Variants in MCCC2 observed in about 807,000 individuals in gnomAD.
MCCC2 encodes methylcrotonyl-CoA carboxylase subunit 2.
In MCCC2, 52 loss-of-function variants were observed where a neutral mutation model predicts 77.2. The observed-to-expected ratio is 0.67, with a 90% confidence interval of 0.54 to 0.85. The LOEUF (loss-of-function observed/expected upper bound fraction) is 0.85, where lower values mean the gene tolerates loss of function less well. MCCC2 is among the 40% of genes least tolerant of loss of function. The pLI, the probability that MCCC2 is intolerant of heterozygous loss-of-function variation, is 0.00. For synonymous variants in MCCC2, 253 were observed against 248.4 expected, an observed-to-expected ratio of 1.02 and a Z score of -0.18; for missense variants, 682 against 703.2, an observed-to-expected ratio of 0.97 and a Z score of 0.34.
At chr5:71,641,182 A>G in intron 11 of MCCC2, 107 bp downstream of exon 11, 2 of 992,806 alleles carry the variant, frequency 2.0e-6, no homozygotes, top group Admixed American at 3.7e-5. Flanking sequence ...TGTTGTTGAG[A>G]GCACTACAAA....
intron 7 of MCCC2, 128 bp downstream of exon 7, chr5:71,626,881 T>A: frequency 1.1e-6 from 1 of 907,756 alleles, no homozygotes; most frequent in Non-Finnish European, 1.8e-6. Flanking sequence ...CTTACTGTTG[T>A]AACCGTTTTT....
At position 71,634,988 on chromosome 5, in the gene MCCC2, C is replaced by G; in HGVS notation, c.849C>G (p.Ala283=). The G allele has an allele frequency of 6.2e-7, 1 of 1,614,004 alleles. No individual in the cohort carries two copies. Among genetic ancestry groups the G allele is most frequent in the Non-Finnish European group, 8.5e-7 (1 of 1,180,010 alleles). Residue 283 remains alanine (A), a synonymous_variant, in exon 9 of 17, where the codon GCC becomes GCG. Transcript: ENST00000340941. The part of the protein sequence containing the change: ...SDHWALDDHH[A]LHLTRKVVRN... ...ACTGGGCTTTGGATGATCATCATGC[C>G]CTTCACTTAACTAGGAAGGTTGTGA...
Position 71,657,221 on chromosome 5 carries a change from GT to G in MCCC2, c.*365del, listed in dbSNP as rs1329915852. 8.5e-6 allele frequency: 2 copies of G among 236,206 alleles called. No homozygotes were observed. The highest frequency in any genetic ancestry group is 2.3e-5 in the African/African-American group (1 of 43,044). 14.6% of individuals were successfully genotyped at this position (236,206 alleles called of 1,614,324 possible). On this transcript the variant is annotated 3_prime_UTR_variant, in exon 17 of 17. Coordinates refer to ENST00000340941, the MANE Select transcript of MCCC2 (RefSeq NM_022132.5). ...AAGTTGTATTTTCACTGAAATGATT[GT>G]TTTGCTGGTTATGCTTGGTGATATT...
chr5:71,593,018 T>G (rs374720426), intron 2 of MCCC2, 26 bp downstream of exon 2: 130 of 1,564,628 alleles, frequency 8.3e-5, no homozygotes, highest in Non-Finnish European at 1.0e-4. Context: ...ATTCCACAGC[T>G]TATGCCTTTA....
At chr5:71,640,858 A>T in intron 10 of MCCC2, 145 bp from the exon 11 acceptor site, 1 of 737,558 alleles carries the variant, frequency 1.4e-6, no homozygotes, top group South Asian at 1.5e-5. Flanking sequence ...GGCATGTCAA[A>T]TGAAATTCTA....
intron 6 of MCCC2, among the ~76,000 whole-genome samples, chr5:71,621,833 C>G (rs1429077036): frequency 6.6e-6 from 1 of 151,382 alleles, no homozygotes; most frequent in Non-Finnish European, 1.5e-5. Flanking sequence ...TATCTGATAG[C>G]ACAACTGGAT....
At chr5:71,631,686 G>A (rs1055764017) in intron 7 of MCCC2, among the ~76,000 whole-genome samples, 4 of 151,956 alleles carry the variant, frequency 2.6e-5, no homozygotes, top group Non-Finnish European at 5.9e-5. Flanking sequence ...GACTACAGGC[G>A]CCCGCCACCG....
chr5:71,641,363 A>T (rs1033734272), intron 11 of MCCC2: 9 of 378,912 alleles, frequency 2.4e-5, no homozygotes, highest in Admixed American at 2.2e-4. Context: ...AAATTAGTAG[A>T]AAATACTTGT....
rs756652714 is a variant in MCCC2, at chr5:71,646,245, A to G, written c.1184A>G (p.Asn395Ser). The change falls in exon 13 of 17, where the codon AAT becomes AGT. Residue 395 changes from asparagine (N) to serine (S), a missense_variant. Transcript: ENST00000340941. Reference protein sequence around the residue: ...THFVQLCCQRNIPLLFLQNIT... With the variant: ...THFVQLCCQRSIPLLFLQNIT... ...TTTGTCCAGTTATGCTGCCAAAGAAATATTCCTCTGCTGTTCCTTCAAAAC... is the reference window on the plus strand; with the variant it reads ...TTTGTCCAGTTATGCTGCCAAAGAAGTATTCCTCTGCTGTTCCTTCAAAAC... 5.0e-6 allele frequency: 8 copies of G among 1,613,820 alleles called. No homozygotes were observed. In the African/African-American group the frequency reaches 5.3e-5, roughly 11 times the overall value.
At chr5:71,604,199 G>T (rs1459738437) in intron 5 of MCCC2, among the ~76,000 whole-genome samples, 157 bp from the exon 6 acceptor site, 1 of 152,172 alleles carries the variant, frequency 6.6e-6, no homozygotes, top group Non-Finnish European at 1.5e-5. Context: ...TGGCTGCATT[G>T]GGGGTTTGGA....
Position 71,649,115 on chromosome 5 carries a change from A to C in MCCC2, c.1235A>C (p.Glu412Ala), listed in dbSNP as rs371587906. The C allele has an allele frequency of 8.0e-5, 129 of 1,614,074 alleles. No homozygotes were observed. The highest frequency in any genetic ancestry group is 9.6e-5 in the Non-Finnish European group (113 of 1,180,034). The change falls in exon 14 of 17, where the codon GAG (glutamate) becomes GCG (alanine). Residue 412 changes from glutamate (E) to alanine (A), a missense_variant. By Grantham distance (107) the Glu-to-Ala change is moderately radical (BLOSUM62 -1). Transcript: ENST00000340941. Reference sequence around the variant, plus strand: ...CTCTCAGGATTTATGGTTGGTAGAGAGTATGAAGCTGAAGGAATTGCCAAG... The same window carrying C: ...CTCTCAGGATTTATGGTTGGTAGAGCGTATGAAGCTGAAGGAATTGCCAAG... Reference protein sequence around the residue: ...QNITGFMVGREYEAEGIAKDG... With the variant: ...QNITGFMVGRAYEAEGIAKDG...
intron 11 of MCCC2, among the ~76,000 whole-genome samples, chr5:71,642,658 G>A (rs1458240931): frequency 6.6e-6 from 1 of 152,226 alleles, no homozygotes; most frequent in African/African-American, 2.4e-5. Context: ...CCATGTCTTT[G>A]TGCAGTGAAG....
At chr5:71,649,737 A>G (rs111357058) in intron 14 of MCCC2, among the ~76,000 whole-genome samples, 59 of 152,246 alleles carry the variant, frequency 3.9e-4, no homozygotes, top group Admixed American at 7.2e-4. Context: ...TGATAATCTT[A>G]TGCTTAAACT....
intron 6 of MCCC2, among the ~76,000 whole-genome samples, chr5:71,613,111 G>C (rs187977728): frequency 6.6e-6 from 1 of 152,148 alleles, no homozygotes; most frequent in Non-Finnish European, 1.5e-5. Flanking sequence ...AAGAACACTT[G>C]TCACTGGATT....
chr5:71,593,122 C>A, intron 2 of MCCC2, 130 bp downstream of exon 2: 1 of 773,912 alleles, frequency 1.3e-6, no homozygotes. Context: ...GAGTCTTGCT[C>A]TCTTGCCCAG....
intron 1 of MCCC2, among the ~76,000 whole-genome samples, chr5:71,588,179 GAATC>G (rs1207312563): frequency 6.6e-6 from 1 of 151,708 alleles, no homozygotes; most frequent in African/African-American, 2.4e-5. Flanking sequence ...TGAGGCAGGG[GAATC>G]GCTTGAACTT....
chr5:71,600,183 G>A (rs973103352), intron 4 of MCCC2, among the ~76,000 whole-genome samples: 11 of 151,796 alleles, frequency 7.2e-5, no homozygotes, highest in Middle Eastern at 3.2e-3. Flanking sequence ...ACAAAAAGAT[G>A]TCTTTCCATG....
intron 6 of MCCC2, among the ~76,000 whole-genome samples, chr5:71,609,201 A>G (rs1745814208): frequency 6.6e-6 from 1 of 151,340 alleles, no homozygotes; most frequent in African/African-American, 2.4e-5. Context: ...ACTTTCAGGT[A>G]CACCAATCAG....
At chr5:71,597,369 T>C (rs1334791079) in intron 3 of MCCC2, among the ~76,000 whole-genome samples, 1 of 152,108 alleles carries the variant, frequency 6.6e-6, no homozygotes, top group Non-Finnish European at 1.5e-5. Context: ...GGAGCTATTG[T>C]AGGGTTTTGA....
Sources: allele counts gnomAD v4.1 joint callset (sites outside exome capture counted in the v4.1 genomes callset), GRCh38; gene constraint gnomAD v4.1.1; transcripts MANE v1.5; gene names NCBI Gene and HGNC (gene_info 2026-07-23, HGNC 2026-07-21).